TCF7L1: variants seen among roughly 807,000 people sequenced by gnomAD.
TCF7L1 encodes the protein transcription factor 7 like 1.
TCF7L1 carries 18 observed loss-of-function variants against 63.7 expected under a neutral mutation model. The ratio of observed to expected loss-of-function variants is 0.28; its 90% confidence interval spans 0.20 to 0.42. TCF7L1 has a LOEUF of 0.42. Among genes scored for constraint, TCF7L1 ranks in the 10% least tolerant of loss-of-function variants. The pLI is 1.00. For synonymous variants in TCF7L1, 355 were observed against 340.9 expected (o/e 1.04, Z -0.46); for missense variants, 654 against 779.3 (o/e 0.84, Z 1.91).
intron 3 of TCF7L1, among the ~76,000 whole-genome samples, chr2:85,154,064 C>G (rs545153309): frequency 2.6e-5 from 4 of 152,246 alleles, no homozygotes; most frequent in Admixed American, 2.0e-4. Context: ...GCTGTACATC[C>G]TTTAAAAATA....
chr2:85,190,423 C>A (rs1376954702), intron 3 of TCF7L1, among the ~76,000 whole-genome samples: 1 of 152,092 alleles, frequency 6.6e-6, no homozygotes, highest in Non-Finnish European at 1.5e-5. Context: ...GCACCATAGG[C>A]CTCTGCAGAG....
intron 4 of TCF7L1, among the ~76,000 whole-genome samples, chr2:85,284,939 A>G (rs17713693): frequency 0.11 from 16,559 of 152,248 alleles, 1,244 homozygotes; most frequent in Non-Finnish European, 0.16. Context: ...AGGACATTTT[A>G]AGAGATACTG....
chr2:85,282,798 G>GAT, intron 3 of TCF7L1, among the ~76,000 whole-genome samples: 4 of 93,538 alleles, frequency 4.3e-5, no homozygotes, highest in African/African-American at 1.5e-4. Flanking sequence ...GAGAGATTGT[G>GAT]TGTGTGTGTG....
At chr2:85,290,071 G>A (rs113194344) in intron 4 of TCF7L1, among the ~76,000 whole-genome samples, 6,834 of 150,506 alleles carry the variant, frequency 0.045, 217 homozygotes, top group Middle Eastern at 0.099. Context: ...TTCACACTCC[G>A]GGTTCAAGCA....
rs1682226287 is a variant in TCF7L1, at chr2:85,309,579, G to C, written c.*117G>C. Reference sequence around the variant, plus strand: ...TGACCACTCTGGACTGTTCTGTAAAGTGGCTGGTAACAACAGCACTTTACA... The same window carrying C: ...TGACCACTCTGGACTGTTCTGTAAACTGGCTGGTAACAACAGCACTTTACA... On this transcript the variant is annotated 3_prime_UTR_variant, in exon 12 of 12. Transcript: ENST00000282111. 2 of 1,085,898 alleles carry C rather than the reference G, an allele frequency of 1.8e-6. No individual in the cohort carries two copies. Among genetic ancestry groups the C allele is most frequent in the South Asian group, 2.2e-5 (1 of 45,064 alleles). 67.3% of individuals were successfully genotyped at this position (1,085,898 alleles called of 1,614,324 possible). A position where few individuals can be genotyped will look rare whatever the true frequency, so the allele number is the denominator to read the frequency against.
rs1406632539 is a variant in TCF7L1, at chr2:85,133,729, C to T, written c.45C>T (p.Ser15=). ...GGGGCGGCGGCGGCGGCGGCGGCAG[C>T]GGGGGAGGCGGCGGCTCCAGCGCCG... ...GGGGGGGGGG[S]GGGGGSSAGA... The change falls in exon 1 of 12, where the codon AGC becomes AGT. Residue 15 remains serine, a synonymous_variant. Coordinates refer to ENST00000282111, the MANE Select transcript of TCF7L1 (RefSeq NM_031283.3). The surrounding 1 kb of genome is among the most constrained non-coding windows in gnomAD (Gnocchi z 4.4). The T allele has an allele frequency of 2.5e-6, 3 of 1,197,234 alleles. No homozygotes were observed. The highest frequency in any genetic ancestry group is 4.2e-5 in the South Asian group (1 of 24,064). 74.2% of individuals were successfully genotyped at this position (1,197,234 alleles called of 1,614,324 possible). A position where few individuals can be genotyped will look rare whatever the true frequency, so the allele number is the denominator to read the frequency against.
At position 85,200,929 on chromosome 2, in the gene TCF7L1, G is replaced by A. The variant is rs981489582; in HGVS notation, c.441+66479G>A. Among the ~76,000 whole-genome samples, 9 of 152,146 alleles carry A rather than the reference G, an allele frequency of 5.9e-5. No individual in the cohort carries two copies. In the East Asian group the frequency reaches 9.6e-4, roughly 16 times the overall value. On this transcript the variant is annotated intron_variant, in intron 3 of 11. Transcript: ENST00000282111. Reference sequence around the variant, plus strand: ...AATTATTACAATAGTGGCCAGGCACGGTGGCTCACGTCTGTAATCCTAGCA... The same window carrying A: ...AATTATTACAATAGTGGCCAGGCACAGTGGCTCACGTCTGTAATCCTAGCA...
intron 3 of TCF7L1, among the ~76,000 whole-genome samples, chr2:85,220,348 G>C (rs983556765): frequency 6.6e-6 from 1 of 151,162 alleles, no homozygotes; most frequent in South Asian, 2.1e-4. Context: ...CTTACTTTCT[G>C]TACTTAAAAA....
intron 3 of TCF7L1, among the ~76,000 whole-genome samples, chr2:85,144,705 TTCTCTC>T (rs59431131): frequency 0.037 from 5,417 of 146,048 alleles, 126 homozygotes; most frequent in East Asian, 0.048. Flanking sequence ...CCATCCCCCT[TTCTCTC>T]TCTCTCTCTG....
chr2:85,268,827 A>C (rs940388642), intron 3 of TCF7L1, among the ~76,000 whole-genome samples: 1 of 151,008 alleles, frequency 6.6e-6, no homozygotes, highest in East Asian at 1.9e-4. Flanking sequence ...AAGCTAAGCG[A>C]GGAAATGAGC....
chr2:85,195,558 T>G (rs2104270674), intron 3 of TCF7L1, among the ~76,000 whole-genome samples: 1 of 152,308 alleles, frequency 6.6e-6, no homozygotes, highest in South Asian at 2.1e-4. Flanking sequence ...TCCTTCTTTC[T>G]TTTTTTGAGA....
intron 3 of TCF7L1, among the ~76,000 whole-genome samples, chr2:85,211,319 C>T (rs1413769215): frequency 6.6e-6 from 1 of 152,138 alleles, no homozygotes; most frequent in Admixed American, 6.5e-5. Context: ...CACAGCACTG[C>T]CCCTGATGTC....
chr2:85,224,540 A>G lies in TCF7L1; in HGVS notation c.442-58955A>G, dbSNP rs148221249. ...TGCATTTCTCTGATGACCAGTGATG[A>G]TGAGTATTTTTTCATATGTCTGTTG... On this transcript the variant is annotated intron_variant, in intron 3 of 11. Coordinates refer to ENST00000282111, the MANE Select transcript of TCF7L1 (RefSeq NM_031283.3). 1.8e-3 allele frequency among the ~76,000 whole-genome samples: 271 copies of G among 152,312 alleles called. 2 individuals carry two copies. Among genetic ancestry groups the G allele is most frequent in the African/African-American group, 6.2e-3 (257 of 41,560 alleles).
chr2:85,219,952 G>A (rs146806002), intron 3 of TCF7L1, among the ~76,000 whole-genome samples: 50 of 152,310 alleles, frequency 3.3e-4, no homozygotes, highest in African/African-American at 1.2e-3. Flanking sequence ...ATACATAGGG[G>A]AGGGAGGTAA....
chr2:85,222,618 C>T (rs1316866944), intron 3 of TCF7L1, among the ~76,000 whole-genome samples: 2 of 137,704 alleles, frequency 1.5e-5, no homozygotes, highest in Non-Finnish European at 1.5e-5. Context: ...TGCAGTGAGC[C>T]TAGATTGCAC....
Position 85,283,271 on chromosome 2 carries a change from C to CCCG in TCF7L1, c.442-222_442-221insGCC, listed in dbSNP as rs10674199. ...AGCTTAGTTGTCATTCGTGTCCCCCCCCCCAAAATGACATAGGGCGTGGTG... is the reference window on the plus strand; with the variant it reads ...AGCTTAGTTGTCATTCGTGTCCCCCCCCGCCCCAAAATGACATAGGGCGTGGTG... On this transcript the variant is annotated intron_variant, in intron 3 of 11. Coordinates refer to ENST00000282111, the MANE Select transcript of TCF7L1 (RefSeq NM_031283.3). Among the ~76,000 whole-genome samples, 44,344 of 150,018 alleles carry CCCG rather than the reference C, an allele frequency of 0.3. 7,655 individuals are homozygous for CCCG. Among genetic ancestry groups the CCCG allele is most frequent in the Non-Finnish European group, 0.39 (26,751 of 67,756 alleles).
At chr2:85,308,462 T>TCC (rs1682189355) in intron 11 of TCF7L1, among the ~76,000 whole-genome samples, 1 of 84,124 alleles carries the variant, frequency 1.2e-5, no homozygotes, top group Non-Finnish European at 2.2e-5. Flanking sequence ...CCTCCCTCTC[T>TCC]TTCCCTCCCT....
rs116193815 is a variant in TCF7L1, at chr2:85,174,043, T to C, written c.441+39593T>C. Among the ~76,000 whole-genome samples, 792 of 152,222 alleles carry C rather than the reference T, an allele frequency of 5.2e-3. 4 individuals carry two copies. The highest frequency in any genetic ancestry group is 0.024 in the Middle Eastern group (7 of 294). ...AGCCACCGCGCCCGGCCAGAATTCA[T>C]TCTTATAAAGGGTACAATTCAGCAG... On this transcript the variant is annotated intron_variant, in intron 3 of 11. Coordinates refer to ENST00000282111, the MANE Select transcript of TCF7L1 (RefSeq NM_031283.3).
intron 3 of TCF7L1, among the ~76,000 whole-genome samples, chr2:85,256,199 G>C (rs1680712854): frequency 6.6e-6 from 1 of 152,218 alleles, no homozygotes; most frequent in Non-Finnish European, 1.5e-5. Flanking sequence ...TTTGGGGCCG[G>C]TTGGCGTCCC....
Sources: gnomAD v4.1 joint callset for allele counts (sites outside exome capture counted in the v4.1 genomes callset) on GRCh38, gnomAD v4.1.1 for gene constraint, Gnocchi (gnomAD v3.1) non-coding constraint, MANE v1.5 for transcripts, NCBI Gene and HGNC (gene_info 2026-07-23, HGNC 2026-07-21) for gene names.